The following SYT2 variants were observed in gnomAD, a reference collection of about 807,000 sequenced individuals.
The protein encoded by SYT2 is synaptotagmin-2.
A neutral mutation model predicts 39.9 loss-of-function variants in SYT2; 15 were observed. That is an observed-to-expected ratio of 0.38 (90% confidence interval 0.25 to 0.58). The LOEUF (loss-of-function observed/expected upper bound fraction) is 0.58, where lower values mean the gene tolerates loss of function less well. SYT2 is among the 20% of genes least tolerant of loss of function. The pLI is 0.70. For synonymous variants in SYT2, 181 were observed against 204.5 expected, an observed-to-expected ratio of 0.89 and a Z score of 0.98; for missense variants, 389 against 530.3, an observed-to-expected ratio of 0.73 and a Z score of 2.62.
intron 1 of SYT2, among the ~76,000 whole-genome samples, chr1:202,626,398 CTTTTTTTTTTTT>C (rs58802666): frequency 1.4e-5 from 1 of 72,432 alleles, no homozygotes; most frequent in African/African-American, 4.8e-5. Flanking sequence ...AGCCTCTCAG[CTTTTTTTTTTTT>C]TTTTTTTTTT....
At chr1:202,677,886 A>T (rs1653416234) in intron 1 of SYT2, among the ~76,000 whole-genome samples, 1 of 152,202 alleles carries the variant, frequency 6.6e-6, no homozygotes, top group African/African-American at 2.4e-5. Context: ...CTACATTTTT[A>T]TAAAGAAGAA....
intron 1 of SYT2, among the ~76,000 whole-genome samples, chr1:202,662,365 C>T (rs1298588707): frequency 6.6e-6 from 1 of 152,242 alleles, no homozygotes; most frequent in Admixed American, 6.5e-5. Flanking sequence ...GGCAGAGCCC[C>T]ATACATTCAA....
chr1:202,657,617 C>T (rs983351660), intron 1 of SYT2, among the ~76,000 whole-genome samples: 7 of 152,054 alleles, frequency 4.6e-5, no homozygotes, highest in African/African-American at 1.7e-4. Context: ...CCTTAGGGAC[C>T]CTGGCTCCTG....
At chr1:202,703,492 C>T (rs1654173382) in intron 1 of SYT2, among the ~76,000 whole-genome samples, 1 of 152,124 alleles carries the variant, frequency 6.6e-6, no homozygotes, top group Non-Finnish European at 1.5e-5. Context: ...GGTTACAACT[C>T]TTTTCTGTTT....
intron 1 of SYT2, among the ~76,000 whole-genome samples, chr1:202,615,767 T>G (rs1159244409): frequency 5.3e-5 from 8 of 152,098 alleles, no homozygotes; most frequent in African/African-American, 1.7e-4. Context: ...GTCTTGGCAC[T>G]TACTCTCCCT....
chr1:202,629,251 C>T (rs1691501617), intron 1 of SYT2, among the ~76,000 whole-genome samples: 1 of 152,158 alleles, frequency 6.6e-6, no homozygotes, highest in African/African-American at 2.4e-5. Context: ...TCTTGATGCC[C>T]ACCTCTGGGC....
intron 1 of SYT2, among the ~76,000 whole-genome samples, chr1:202,649,048 G>A (rs75932290): frequency 6.6e-6 from 1 of 152,236 alleles, no homozygotes; most frequent in Non-Finnish European, 1.5e-5. Context: ...GGGAGGGACT[G>A]TTCTCACTCT....
At chr1:202,705,030 C>T (rs148095844) in intron 1 of SYT2, among the ~76,000 whole-genome samples, 2 of 152,374 alleles carry the variant, frequency 1.3e-5, no homozygotes, top group East Asian at 1.9e-4. Flanking sequence ...TTCTACTCAA[C>T]GCGTTAGTGG....
At chr1:202,607,594 TCCA>T (rs1276759677) in intron 1 of SYT2, among the ~76,000 whole-genome samples, 2 of 152,170 alleles carry the variant, frequency 1.3e-5, no homozygotes, top group Non-Finnish European at 2.9e-5. Flanking sequence ...TGGAGACTGC[TCCA>T]GCCTTAAGTA....
At position 202,599,401 on chromosome 1, in the gene SYT2, C is replaced by A; in HGVS notation, c.920-50G>T. On this transcript the variant is annotated intron_variant, in intron 7 of 8. Transcript: ENST00000367268. The surrounding 1 kb of genome is among the most constrained non-coding windows in gnomAD (Gnocchi z 4.4). ...AGAGAGGTTCCCCTTAGCCCCCAGC[C>A]TTCCTGCCGAATGTACCAAGGCCTG... The A allele has an allele frequency of 6.5e-7, 1 of 1,549,894 alleles. No individual in the cohort carries two copies. The highest frequency in any genetic ancestry group is 1.3e-5 in the South Asian group (1 of 78,726).
intron 1 of SYT2, among the ~76,000 whole-genome samples, chr1:202,653,036 A>C (rs1238981267): frequency 6.6e-6 from 1 of 150,432 alleles, no homozygotes; most frequent in African/African-American, 2.5e-5. Context: ...CCATGGAAAG[A>C]ATGCCCCTCC....
At chr1:202,642,666 G>T (rs1033662825) in intron 1 of SYT2, among the ~76,000 whole-genome samples, 16 of 152,226 alleles carry the variant, frequency 1.1e-4, no homozygotes, top group Non-Finnish European at 2.4e-4. Flanking sequence ...GGCAAGGCGG[G>T]GGCGCTCAGA....
At chr1:202,651,432 T>C (rs1050108260) in intron 1 of SYT2, among the ~76,000 whole-genome samples, 13 of 152,022 alleles carry the variant, frequency 8.6e-5, no homozygotes, top group African/African-American at 3.1e-4. Flanking sequence ...GGAGGAAATG[T>C]CCAGGAGGCC....
At chr1:202,678,298 A>AC (rs1467022760) in intron 1 of SYT2, among the ~76,000 whole-genome samples, 2 of 151,346 alleles carry the variant, frequency 1.3e-5, no homozygotes, top group Non-Finnish European at 2.9e-5. Flanking sequence ...AAAAAAAAAA[A>AC]AAACTAATAA....
rs1233665647 is a variant in SYT2 at position 202,599,561 on chromosome 1, T to C, written c.920-210A>G. Among the ~76,000 whole-genome samples, 1 of 152,128 alleles carries C rather than the reference T, an allele frequency of 6.6e-6. No individual in the cohort carries two copies. Among genetic ancestry groups the C allele is most frequent in the Non-Finnish European group, 1.5e-5 (1 of 68,030 alleles). On this transcript the variant is annotated intron_variant, in intron 7 of 8. Transcript: ENST00000367268. This position sits in a 1 kb window ranked among gnomAD's most constrained non-coding sequence, Gnocchi z 4.4. ...CCAACTGTGACCAGTTGGTTGTGGC[T>C]TCCTGAAGCATTGGGTGGAGGGCAT...
At chr1:202,661,927 G>T (rs530882425) in intron 1 of SYT2, among the ~76,000 whole-genome samples, 2 of 152,312 alleles carry the variant, frequency 1.3e-5, no homozygotes, top group East Asian at 3.9e-4. Context: ...AGTCCACCAG[G>T]TACCAGGGCT....
chr1:202,627,047 G>C (rs1420281740), intron 1 of SYT2, among the ~76,000 whole-genome samples: 1 of 152,210 alleles, frequency 6.6e-6, no homozygotes, highest in Admixed American at 6.5e-5. Context: ...CCCACAACGA[G>C]GGGTGCAGTG....
chr1:202,696,996 T>A (rs1468762384), intron 1 of SYT2, among the ~76,000 whole-genome samples: 1 of 152,282 alleles, frequency 6.6e-6, no homozygotes, highest in East Asian at 1.9e-4. Flanking sequence ...CCCAGACACA[T>A]GGTCTCATTC....
chr1:202,673,838 C>G (rs1392212744), intron 1 of SYT2, among the ~76,000 whole-genome samples: 1 of 152,178 alleles, frequency 6.6e-6, no homozygotes, highest in African/African-American at 2.4e-5. Flanking sequence ...TTATGCTCAA[C>G]AGAGAAGACA....
Sources: gnomAD v4.1 joint callset for allele counts (sites outside exome capture counted in the v4.1 genomes callset) on GRCh38, gnomAD v4.1.1 for gene constraint, Gnocchi (gnomAD v3.1) non-coding constraint, MANE v1.5 for transcripts, NCBI Gene and HGNC (gene_info 2026-07-23, HGNC 2026-07-21) for gene names.